The following CDH10 variants were observed in gnomAD, a reference collection of about 807,000 sequenced individuals.
CDH10 encodes cadherin 10.
A neutral mutation model predicts 73.1 loss-of-function variants in CDH10; 30 were observed. The ratio of observed to expected loss-of-function variants is 0.41; its 90% CI spans 0.31 to 0.56. The LOEUF (loss-of-function observed/expected upper bound fraction) is 0.56. CDH10 is among the 20% of genes least tolerant of loss of function. The probability of loss-of-function intolerance (pLI) is 0.27; values close to 1 mark genes in which losing one functional copy is unlikely to be tolerated. For synonymous variants in CDH10, 345 were observed against 348.2 expected, an observed-to-expected ratio of 0.99 and a Z score of 0.10; for missense variants, 815 against 973.7, an observed-to-expected ratio of 0.84 and a Z score of 2.17.
chr5:24,512,474 A>G (rs1742954123), intron 5 of CDH10, among the ~76,000 whole-genome samples: 1 of 152,040 alleles, frequency 6.6e-6, no homozygotes, highest in South Asian at 2.1e-4. Context: ...TGCATGGCAG[A>G]ACATTACAAA....
At chr5:24,522,090 T>A (rs1463213699) in intron 5 of CDH10, among the ~76,000 whole-genome samples, 1 of 152,000 alleles carries the variant, frequency 6.6e-6, no homozygotes, top group Non-Finnish European at 1.5e-5. Context: ...GCCGCAATTG[T>A]GCCACTGCAC....
At chr5:24,607,469 G>T (rs77545159) in intron 1 of CDH10, among the ~76,000 whole-genome samples, 4,389 of 152,204 alleles carry the variant, frequency 0.029, 199 homozygotes, top group African/African-American at 0.1. Context: ...TCAGGTGTCT[G>T]TTGTTCCTAC....
At chr5:24,624,087 C>G (rs542899992) in intron 1 of CDH10, among the ~76,000 whole-genome samples, 1 of 152,050 alleles carries the variant, frequency 6.6e-6, no homozygotes, top group African/African-American at 2.4e-5. Context: ...GAGCTCAGTA[C>G]GTACTCTGAG....
chr5:24,607,442 A>C (rs2112134479), intron 1 of CDH10, among the ~76,000 whole-genome samples: 1 of 152,236 alleles, frequency 6.6e-6, no homozygotes, highest in South Asian at 2.1e-4. Context: ...TAAGAAGGAA[A>C]GTTAAAAAAA....
intron 2 of CDH10, among the ~76,000 whole-genome samples, chr5:24,543,811 G>A (rs762695995): frequency 1.3e-5 from 2 of 152,150 alleles, no homozygotes; most frequent in Non-Finnish European, 2.9e-5. Flanking sequence ...AGTTATTCAT[G>A]TTGTTGGGGC....
rs1461916450 is a variant in CDH10 at position 24,535,215 on chromosome 5, G to T, written c.711C>A (p.Ile237=). The T allele has an allele frequency of 5.0e-6, 8 of 1,613,434 alleles. No individual in the cohort carries two copies. The highest frequency in any genetic ancestry group is 6.8e-6 in the Non-Finnish European group (8 of 1,179,636). ...TCTGGCCGCCCATGTCTTTGGCCTGGATGACCACTTGGTATTGCTCTCTGT... is the reference window on the plus strand; with the variant it reads ...TCTGGCCGCCCATGTCTTTGGCCTGTATGACCACTTGGTATTGCTCTCTGT... The part of the protein sequence containing the change: ...RENREQYQVV[I]QAKDMGGQMG... Residue 237 remains isoleucine (I), a synonymous_variant, in exon 5 of 12, where the codon ATC becomes ATA. Transcript: ENST00000264463.
chr5:24,545,823 T>TA (rs112359328), intron 2 of CDH10, among the ~76,000 whole-genome samples: 9,375 of 151,414 alleles, frequency 0.062, 543 homozygotes, highest in African/African-American at 0.15. Flanking sequence ...TCAAAGAAAA[T>TA]AAAAAAAGGA....
At chr5:24,539,237 TCTTTA>T (rs1339415788) in intron 2 of CDH10, among the ~76,000 whole-genome samples, 1 of 151,934 alleles carries the variant, frequency 6.6e-6, no homozygotes, top group Non-Finnish European at 1.5e-5. Context: ...TCATTTTTGC[TCTTTA>T]CTTACACCAA....
intron 1 of CDH10, among the ~76,000 whole-genome samples, chr5:24,607,914 C>G (rs1373288612): frequency 6.6e-6 from 1 of 152,054 alleles, no homozygotes; most frequent in Non-Finnish European, 1.5e-5. Context: ...ATAGATAATT[C>G]TATATTTTAA....
At chr5:24,585,839 CA>C (rs1745975413) in intron 2 of CDH10, among the ~76,000 whole-genome samples, 1 of 152,188 alleles carries the variant, frequency 6.6e-6, no homozygotes, top group African/African-American at 2.4e-5. Context: ...TCAGTTATCA[CA>C]GGGGCGGAAG....
chr5:24,491,930 T>C, intron 10 of CDH10, 103 bp from the exon 11 acceptor site: 1 of 675,132 alleles, frequency 1.5e-6, no homozygotes, highest in Non-Finnish European at 2.4e-6. Flanking sequence ...TTATGTAAAA[T>C]ATAAAATTGA....
chr5:24,577,299 C>T (rs966647073), intron 2 of CDH10, among the ~76,000 whole-genome samples: 15 of 152,156 alleles, frequency 9.9e-5, no homozygotes, highest in African/African-American at 2.2e-4. Flanking sequence ...TGAAAATGAT[C>T]GCAAGAGGGG....
chr5:24,630,429 T>C (rs372603782), intron 1 of CDH10, among the ~76,000 whole-genome samples: 25 of 151,990 alleles, frequency 1.6e-4, no homozygotes, highest in African/African-American at 5.8e-4. Context: ...AGCTTCTGCC[T>C]GTAATCCCAG....
At chr5:24,630,401 A>C (rs528962190) in intron 1 of CDH10, among the ~76,000 whole-genome samples, 40 of 152,118 alleles carry the variant, frequency 2.6e-4, no homozygotes, top group African/African-American at 8.9e-4. Context: ...AAGATAGAAA[A>C]AATTAGCCTG....
At chr5:24,567,363 GA>G (rs923948208) in intron 2 of CDH10, among the ~76,000 whole-genome samples, 1 of 149,782 alleles carries the variant, frequency 6.7e-6, no homozygotes, top group Non-Finnish European at 1.5e-5. Context: ...AAAAAAAAAA[GA>G]AACTGTATGT....
intron 1 of CDH10, among the ~76,000 whole-genome samples, chr5:24,614,406 C>T (rs1747061338): frequency 6.6e-6 from 1 of 152,170 alleles, no homozygotes; most frequent in Admixed American, 6.5e-5. Context: ...ATCCATGCTC[C>T]CTCCTGATCC....
intron 2 of CDH10, among the ~76,000 whole-genome samples, chr5:24,564,016 A>T (rs1745071354): frequency 6.6e-6 from 1 of 152,132 alleles, no homozygotes; most frequent in Admixed American, 6.5e-5. Context: ...TTTCGGCCCA[A>T]GAAGGGTTGA....
intron 2 of CDH10, among the ~76,000 whole-genome samples, chr5:24,563,197 T>C (rs1360985645): frequency 6.6e-6 from 1 of 152,122 alleles, no homozygotes; most frequent in Non-Finnish European, 1.5e-5. Context: ...TTTAGGTGAC[T>C]GCAATAATTA....
chr5:24,530,616 TGGA>T (rs978645220), intron 5 of CDH10, among the ~76,000 whole-genome samples: 2 of 152,044 alleles, frequency 1.3e-5, no homozygotes, highest in African/African-American at 4.8e-5. Flanking sequence ...AATGTTTGGT[TGGA>T]GAGCAGGAAA....
Sources: gnomAD v4.1 joint callset for allele counts (sites outside exome capture counted in the v4.1 genomes callset) on GRCh38, gnomAD v4.1.1 for gene constraint, MANE v1.5 for transcripts, NCBI Gene and HGNC (gene_info 2026-07-23, HGNC 2026-07-21) for gene names.